FCGRT: variants seen among roughly 807,000 people sequenced by gnomAD.
FCGRT encodes IgG receptor FcRn large subunit p51.
A neutral mutation model predicts 35.7 loss-of-function variants in FCGRT; 13 were observed. That is an observed-to-expected ratio of 0.36 (90% CI 0.24 to 0.58). The LOEUF is 0.58. Ranked by LOEUF, FCGRT falls within the 20% of genes least tolerant of loss-of-function variation. FCGRT has a pLI of 0.77. For missense variants in FCGRT, 455 were observed against 474.9 expected (o/e 0.96, Z 0.39); for synonymous variants, 233 against 216.5 (o/e 1.08, Z -0.67).
Position 49,514,383 on chromosome 19 carries a change from G to A in FCGRT, c.498G>A (p.Gln166=), listed in dbSNP as rs2079993899. 6.2e-7 allele frequency: 1 copy of A among 1,609,600 alleles called. No homozygotes were observed. Among genetic ancestry groups the A allele is most frequent in the African/African-American group, 1.3e-5 (1 of 74,880 alleles). Residue 166 remains glutamine, a synonymous_variant, in exon 4 of 7, where the codon CAG becomes CAA. Coordinates refer to ENST00000221466, the MANE Select transcript of FCGRT (RefSeq NM_001136019.3). Reference sequence around the variant, plus strand: ...TGGCTATCAGTCAGCGGTGGCAGCAGCAGGACAAGGCGGCCAACAAGGAGC... The same window carrying A: ...TGGCTATCAGTCAGCGGTGGCAGCAACAGGACAAGGCGGCCAACAAGGAGC... ...EALAISQRWQ[Q]QDKAANKELT...
intron 1 of FCGRT, chr19:49,513,104 C>T (rs1429260155): frequency 1.1e-5 from 1 of 88,488 alleles, no homozygotes; most frequent in African/African-American, 1.9e-4. Flanking sequence ...GCCTGGACTC[C>T]GGGGTCTGAG....
chr19:49,524,312 A>T (rs1250890292), intron 4 of FCGRT, among the ~76,000 whole-genome samples, 195 bp from the exon 5 acceptor site: 1 of 152,144 alleles, frequency 6.6e-6, no homozygotes. Context: ...CAGCCCAAGG[A>T]GGTGACATCT....
At chr19:49,525,665 G>T in intron 6 of FCGRT, 92 bp downstream of exon 6, 2 of 862,802 alleles carry the variant, frequency 2.3e-6, no homozygotes, top group Non-Finnish European at 1.9e-6. Flanking sequence ...ACCCAGAGAG[G>T]GGGGACAGAG....
chr19:49,522,220 C>T (rs1379843691), intron 4 of FCGRT, among the ~76,000 whole-genome samples: 2 of 151,058 alleles, frequency 1.3e-5, no homozygotes, highest in African/African-American at 2.4e-5. Context: ...TAGGTGGGAC[C>T]ACAGGCACAT....
rs575986926 is a variant in FCGRT, at chr19:49,522,727, T to G, written c.602-1780T>G. 6.0e-5 allele frequency among the ~76,000 whole-genome samples: 9 copies of G among 150,222 alleles called. No homozygotes were observed. In the East Asian group the frequency reaches 1.8e-3, roughly 30 times the overall value. On this transcript the variant is annotated intron_variant, in intron 4 of 6. Coordinates refer to ENST00000221466, the MANE Select transcript of FCGRT (RefSeq NM_001136019.3). ...GATTCTAGGTGTGAGCCACCACACC[T>G]GTCCTGAATCTATATTTATGAGAGA...
chr19:49,524,947 C>G (rs1025655486), intron 5 of FCGRT, 171 bp downstream of exon 5: 1 of 732,994 alleles, frequency 1.4e-6, no homozygotes, highest in African/African-American at 1.7e-5. Context: ...TTGTCCTTCC[C>G]AAGGCCAACT....
intron 4 of FCGRT, among the ~76,000 whole-genome samples, chr19:49,523,692 C>G (rs2080055536): frequency 6.6e-6 from 1 of 151,928 alleles, no homozygotes; most frequent in South Asian, 2.1e-4. Context: ...AACCCCGTCT[C>G]TACTAAAAAT....
At chr19:49,515,767 C>T (rs566227760) in intron 4 of FCGRT, among the ~76,000 whole-genome samples, 2 of 152,262 alleles carry the variant, frequency 1.3e-5, no homozygotes, top group South Asian at 4.1e-4. Flanking sequence ...CGCAGCAGCA[C>T]TTGTCTCTAC....
chr19:49,518,356 CTTTCT>C (rs1231119130), intron 4 of FCGRT, among the ~76,000 whole-genome samples: 5 of 144,314 alleles, frequency 3.5e-5, no homozygotes, highest in African/African-American at 1.0e-4. Flanking sequence ...ATTTTTCTTT[CTTTCT>C]TTTTTTTTTT....
chr19:49,526,208 C>A lies in FCGRT; in HGVS notation c.*89C>A, dbSNP rs989589900. 6 of 871,124 alleles carry A rather than the reference C, an allele frequency of 6.9e-6. No homozygotes were observed. Among genetic ancestry groups the A allele is most frequent in the Non-Finnish European group, 1.1e-5 (6 of 525,650 alleles). 54.0% of individuals were successfully genotyped at this position (871,124 alleles called of 1,614,324 possible). Reference sequence around the variant, plus strand: ...CTGGAACACTGGCATCTCTGAGCCTCCAGAAGGGGTTCTGGGCCTAGTTGT... The same window carrying A: ...CTGGAACACTGGCATCTCTGAGCCTACAGAAGGGGTTCTGGGCCTAGTTGT... On this transcript the variant is annotated 3_prime_UTR_variant, in exon 7 of 7. Transcript: ENST00000221466.
chr19:49,519,628 C>T (rs1222765868), intron 4 of FCGRT, among the ~76,000 whole-genome samples: 2 of 152,068 alleles, frequency 1.3e-5, no homozygotes, highest in Non-Finnish European at 2.9e-5. Context: ...CATCTAGAAG[C>T]TTGGTCAGAT....
intron 4 of FCGRT, among the ~76,000 whole-genome samples, chr19:49,514,715 C>G (rs1385868494): frequency 1.4e-5 from 2 of 144,954 alleles, no homozygotes; most frequent in Admixed American, 6.9e-5. Flanking sequence ...TTTTGTGAGA[C>G]GGAGTTTCGC....
At chr19:49,520,130 C>CTTTTTTTTT (rs952631701) in intron 4 of FCGRT, among the ~76,000 whole-genome samples, 15 of 99,510 alleles carry the variant, frequency 1.5e-4, no homozygotes, top group South Asian at 3.3e-4. Context: ...CGCGCCCGGG[C>CTTTTTTTTT]TTTTTTTTTT....
Position 49,525,554 on chromosome 19 carries a change from G to A in FCGRT, c.969G>A (p.Arg323=), listed in dbSNP as rs745717269. The A allele has an allele frequency of 4.4e-5, 71 of 1,612,576 alleles. No individual in the cohort carries two copies. The highest frequency in any genetic ancestry group is 6.7e-5 in the Admixed American group (4 of 59,958). ...AAVGGALLWR[R]MRSGLPAPWI... ...TAGGAGGAGCTCTGTTGTGGAGAAG[G>A]ATGAGGAGTGGGCTGCCAGGTGGGG... The change falls in exon 6 of 7, where the codon AGG becomes AGA. Residue 323 remains arginine, a synonymous_variant. Transcript: ENST00000221466.
intron 5 of FCGRT, 140 bp downstream of exon 5, chr19:49,524,916 G>A (rs2080065050): frequency 2.3e-6 from 2 of 868,754 alleles, no homozygotes; most frequent in South Asian, 1.4e-5. Context: ...ACGCCTGTCA[G>A]TGCCCCCAAA....
chr19:49,514,350 C>T lies in FCGRT; in HGVS notation c.465C>T (p.Pro155=), dbSNP rs1285480672. 3 of 1,613,316 alleles carry T rather than the reference C, an allele frequency of 1.9e-6. No individual in the cohort carries two copies. The highest frequency in any genetic ancestry group is 1.1e-5 in the South Asian group (1 of 90,958). Residue 155 remains proline (P), a synonymous_variant, in exon 4 of 7, where the codon CCC becomes CCT. Transcript: ENST00000221466. The stretch of plus-strand genomic sequence containing the variant: ...AGGGCACCTGGGGTGGGGACTGGCC[C>T]GAGGCCCTGGCTATCAGTCAGCGGT... The part of the protein sequence containing the change: ...LKQGTWGGDW[P]EALAISQRWQ...
intron 4 of FCGRT, 104 bp downstream of exon 4, chr19:49,514,590 C>A (rs554324339): frequency 3.2e-5 from 36 of 1,112,944 alleles, no homozygotes; most frequent in Non-Finnish European, 4.1e-5. Flanking sequence ...CACTGCAGCC[C>A]ACGCTCTGCC....
chr19:49,525,966 G>A (rs775067261), intron 6 of FCGRT, 44 bp from the exon 7 acceptor site: 7 of 1,179,646 alleles, frequency 5.9e-6, no homozygotes, highest in East Asian at 4.7e-5. Context: ...GACCCAGAGC[G>A]CCTCAGAGAT....
intron 2 of FCGRT, 41 bp from the exon 3 acceptor site, chr19:49,513,841 C>G: frequency 1.3e-6 from 2 of 1,489,194 alleles, no homozygotes; most frequent in Non-Finnish European, 1.8e-6. Flanking sequence ...CAGTCTAGTT[C>G]CCCGCCCGTG....
Sources: gnomAD v4.1 joint callset for allele counts (sites outside exome capture counted in the v4.1 genomes callset) on GRCh38, gnomAD v4.1.1 for gene constraint, MANE v1.5 for transcripts, NCBI Gene and HGNC (gene_info 2026-07-23, HGNC 2026-07-21) for gene names.